The following PCIF1 variants were observed in gnomAD, a reference collection of about 807,000 sequenced individuals.
PCIF1 encodes the protein phosphorylated CTD interacting factor 1.
Under a neutral mutation model 86.9 loss-of-function variants are expected in PCIF1, and 12 were observed. That is an observed-to-expected ratio of 0.14 (90% CI 0.09 to 0.22). The LOEUF (loss-of-function observed/expected upper bound fraction) is 0.22. Among genes scored for constraint, PCIF1 ranks in the 10% least tolerant of loss-of-function variants. The pLI, the probability that PCIF1 is intolerant of heterozygous loss-of-function variation, is 1.00. For missense variants in PCIF1, 701 were observed against 951.1 expected (o/e 0.74, Z 3.46); for synonymous variants, 397 against 372.0 (o/e 1.07, Z -0.77).
intron 4 of PCIF1, among the ~76,000 whole-genome samples, chr20:45,939,848 A>G (rs1185939915): frequency 1.3e-5 from 2 of 152,172 alleles, no homozygotes; most frequent in African/African-American, 4.8e-5. Flanking sequence ...TGGTGGGAAC[A>G]TGGGCTTTTG....
At chr20:45,945,580 C>T (rs1443450803) in intron 11 of PCIF1, 131 bp from the exon 12 acceptor site, 1 of 1,150,250 alleles carries the variant, frequency 8.7e-7, no homozygotes, top group South Asian at 1.6e-5. Flanking sequence ...CATTCCCTTT[C>T]TACTGAACTG....
Position 45,940,876 on chromosome 20 carries a change from C to A in PCIF1, c.455C>A (p.Thr152Lys). The stretch of plus-strand genomic sequence containing the variant: ...TCCCCCAGTATCCCAGGAACCCCAA[C>A]GCTGAAGATGTGGGGTACGTCCCCT... ...PSSPSIPGTP[T>K]LKMWGTSPED... Residue 152 changes from threonine (T) to lysine (K), a missense_variant, in exon 6 of 17, where the codon ACG becomes AAG. By Grantham distance (78) the Thr-to-Lys change is moderately conservative (BLOSUM62 -1). Coordinates refer to ENST00000372409, the MANE Select transcript of PCIF1 (RefSeq NM_022104.4). The A allele has an allele frequency of 1.2e-6, 2 of 1,614,200 alleles. No homozygotes were observed. The highest frequency in any genetic ancestry group is 1.7e-6 in the Non-Finnish European group (2 of 1,180,026).
rs1203933146 is a variant in PCIF1 at position 45,943,360 on chromosome 20, G to A, written c.842G>A (p.Arg281Gln). 1.2e-6 allele frequency: 2 copies of A among 1,614,122 alleles called. No individual in the cohort carries two copies. The highest frequency in any genetic ancestry group is 1.7e-6 in the Non-Finnish European group (2 of 1,180,002). Residue 281 changes from arginine (R) to glutamine (Q), a missense_variant, in exon 9 of 17, where the codon CGG (arginine) becomes CAG (glutamine). Physicochemically the swap from Arg to Gln is conservative, Grantham distance 43 (BLOSUM62 1). Coordinates refer to ENST00000372409, the MANE Select transcript of PCIF1 (RefSeq NM_022104.4). The surrounding 1 kb of genome is among the most constrained non-coding windows in gnomAD (Gnocchi z 5.5). ...IPIRLSRIKF[R>Q]EEAKRLLFKY... Reference sequence around the variant, plus strand: ...CGCAGGTTATCCCGAATCAAGTTCCGGGAGGAAGCCAAGCGCCTGCTCTTT... The same window carrying A: ...CGCAGGTTATCCCGAATCAAGTTCCAGGAGGAAGCCAAGCGCCTGCTCTTT...
rs1320144161 is a variant in PCIF1 at position 45,947,396 on chromosome 20, T to C, written c.1841T>C (p.Phe614Ser). 1 of 1,614,024 alleles carries C rather than the reference T, an allele frequency of 6.2e-7. No homozygotes were observed. The highest frequency in any genetic ancestry group is 2.2e-5 in the East Asian group (1 of 44,870). Reference sequence around the variant, plus strand: ...CGCCACCAGTTGATCCTGCCTGCCTTTGAGCATGAGTACCGCAGTGGCTCC... The same window carrying C: ...CGCCACCAGTTGATCCTGCCTGCCTCTGAGCATGAGTACCGCAGTGGCTCC... ...FKRHQLILPAFEHEYRSGSQH... is the reference protein window; with the variant it reads ...FKRHQLILPASEHEYRSGSQH... Residue 614 changes from phenylalanine to serine, a missense_variant, in exon 16 of 17, where the codon TTT becomes TCT. Phe to Ser is a radical substitution (Grantham distance 155, BLOSUM62 -2). This residue lies in a region of PCIF1 where 174 missense variants were observed against 206.9 expected (regional missense o/e 0.84). Transcript: ENST00000372409. This position sits in a 1 kb window ranked among gnomAD's most constrained non-coding sequence, Gnocchi z 5.4.
chr20:45,940,401 G>A (rs1214530997), intron 4 of PCIF1, 74 bp from the exon 5 acceptor site: 1 of 1,476,702 alleles, frequency 6.8e-7, no homozygotes, highest in Non-Finnish European at 9.1e-7. Flanking sequence ...GGGTGGGAGG[G>A]CGTGAGGATT....
chr20:45,935,713 C>A (rs187690681), intron 1 of PCIF1, among the ~76,000 whole-genome samples: 2 of 152,116 alleles, frequency 1.3e-5, no homozygotes, highest in East Asian at 3.9e-4. Context: ...ATGAGTCATC[C>A]TGTCTCCCAG....
chr20:45,939,145 G>T (rs758001243), intron 3 of PCIF1, 22 bp downstream of exon 3: 1 of 1,613,964 alleles, frequency 6.2e-7, no homozygotes, highest in African/African-American at 1.3e-5. Context: ...GAGCAGTAGT[G>T]GGGTGGTGGG....
At position 45,941,216 on chromosome 20, in the gene PCIF1, C is replaced by G. The variant is rs1228919283; in HGVS notation, c.673+9C>G. On this transcript the variant is annotated intron_variant, in intron 7 of 16. Coordinates refer to ENST00000372409, the MANE Select transcript of PCIF1 (RefSeq NM_022104.4). ...GTGCCAGCAGCGAGAGGGTACCTGC[C>G]TCTGGGCTGCAGCCTCCTTTATTTC... 8 of 1,588,004 alleles carry G rather than the reference C, an allele frequency of 5.0e-6. No individual in the cohort carries two copies. Among genetic ancestry groups the G allele is most frequent in the African/African-American group, 4.0e-5 (3 of 74,244 alleles).
In PCIF1 at chr20:45,946,042, G is replaced by A. The variant is rs145800939; in HGVS notation, c.1355G>A (p.Arg452His). ...NYFSKLWLLY[R>H]YSCIDDSAFE... ...CCCGCTCCACAGTGGCTCCTTTACC[G>A]CTACAGCTGCATTGATGACTCTGCC... Residue 452 changes from arginine to histidine, a missense_variant, in exon 13 of 17, where the codon CGC becomes CAC. Physicochemically the swap from Arg to His is conservative, Grantham distance 29. Transcript: ENST00000372409. 29 of 1,614,138 alleles carry A rather than the reference G, an allele frequency of 1.8e-5. No homozygotes were observed. Among genetic ancestry groups the A allele is most frequent in the African/African-American group, 2.7e-5 (2 of 75,050 alleles).
At chr20:45,934,837 G>C in intron 1 of PCIF1, 33 bp downstream of exon 1, 1 of 398,192 alleles carries the variant, frequency 2.5e-6, no homozygotes, top group Non-Finnish European at 4.4e-6. Flanking sequence ...GTCCCGCAGC[G>C]AGCCGCGCCA....
chr20:45,947,931 GTA>G lies in PCIF1; in HGVS notation c.*181_*182del, dbSNP rs1361476667. 7.2e-6 allele frequency: 11 copies of G among 1,533,498 alleles called. No individual in the cohort carries two copies. The highest frequency in any genetic ancestry group is 9.6e-6 in the Non-Finnish European group (11 of 1,146,274). The allele number at this position is 1,533,498 out of a possible 1,614,324, so 95.0% of individuals were successfully genotyped here. A position where few individuals can be genotyped will look rare whatever the true frequency, so the allele number is the denominator to read the frequency against. ...ACCTCAAACTCCCTCCAAGTCCCAT[GTA>G]TATAGGTCCTGATGCCTTCCCAACC... On this transcript the variant is annotated 3_prime_UTR_variant, in exon 17 of 17. Coordinates refer to ENST00000372409, the MANE Select transcript of PCIF1 (RefSeq NM_022104.4). This position sits in a 1 kb window ranked among gnomAD's most constrained non-coding sequence, Gnocchi z 5.4.
At chr20:45,936,527 C>G (rs1467771333) in intron 1 of PCIF1, among the ~76,000 whole-genome samples, 2 of 151,788 alleles carry the variant, frequency 1.3e-5, no homozygotes, top group Non-Finnish European at 2.9e-5. Flanking sequence ...GCCCTGTCAC[C>G]CAGGCTGGAG....
chr20:45,943,318 C>T lies in PCIF1; in HGVS notation c.822-22C>T, dbSNP rs372823087. On this transcript the variant is annotated intron_variant, in intron 8 of 16. Transcript: ENST00000372409. The surrounding 1 kb of genome is among the most constrained non-coding windows in gnomAD (Gnocchi z 5.5). ...CCAGTCATGTATAGAAGGCCTCTAA[C>T]TCTGCCCACTCTGAAACGCAGGTTA... is the stretch of plus-strand genomic sequence containing the variant. 106 of 1,613,868 alleles carry T rather than the reference C, an allele frequency of 6.6e-5. No homozygotes were observed. The African/African-American group carries it at 1.3e-3, about 19-fold the overall frequency.
Position 45,943,415 on chromosome 20 carries a change from C to T in PCIF1, c.897C>T (p.Ile299=). Residue 299 remains isoleucine, a synonymous_variant, in exon 9 of 17, where the codon ATC becomes ATT. Coordinates refer to ENST00000372409, the MANE Select transcript of PCIF1 (RefSeq NM_022104.4). The surrounding 1 kb of genome is among the most constrained non-coding windows in gnomAD (Gnocchi z 5.5). The part of the protein sequence containing the change: ...FKYAEAARRL[I]ESRSASPDSR... ...ATGCGGAGGCCGCCAGGCGGCTCAT[C>T]GAGTCCAGGTTTGCCTGTCTTCTGC... 6.2e-7 allele frequency: 1 copy of T among 1,613,054 alleles called. No homozygotes were observed. The highest frequency in any genetic ancestry group is 8.5e-7 in the Non-Finnish European group (1 of 1,179,870).
intron 6 of PCIF1, 39 bp downstream of exon 6, chr20:45,940,978 A>G (rs779960421): frequency 5.7e-5 from 92 of 1,613,902 alleles, no homozygotes; most frequent in Non-Finnish European, 7.5e-5. Context: ...ACCCATTGCT[A>G]ATGTCAGCCT....
chr20:45,941,705 G>A (rs1015099231), intron 7 of PCIF1, among the ~76,000 whole-genome samples: 5 of 151,940 alleles, frequency 3.3e-5, no homozygotes, highest in South Asian at 2.1e-4. Context: ...TGATGCGCCC[G>A]CCTCAGCCTC....
At chr20:45,941,985 T>A (rs78988842) in intron 7 of PCIF1, among the ~76,000 whole-genome samples, 1 of 150,244 alleles carries the variant, frequency 6.7e-6, no homozygotes, top group Non-Finnish European at 1.5e-5. Flanking sequence ...TTTAATTTTT[T>A]TTTTTCTTGA....
In PCIF1 at chr20:45,939,351, C is replaced by G. The variant is rs1232264778; in HGVS notation, c.249+12C>G. ...AGCACGATGTGATTGTGAGTGCCAG[C>G]CTAGGGTGGGGGGGTCTCAGAGTGG... is the stretch of plus-strand genomic sequence containing the variant. On this transcript the variant is annotated intron_variant, in intron 4 of 16. Transcript: ENST00000372409. 6.2e-7 allele frequency: 1 copy of G among 1,612,934 alleles called. No homozygotes were observed.
At position 45,945,029 on chromosome 20, in the gene PCIF1, A is replaced by G. The variant is rs766418713; in HGVS notation, c.1167A>G (p.Ser389=). ...HLAILKENNI[S]EEVEAPEVEP... is the part of the protein sequence containing the mutation. ...CCATCCTCAAGGAAAACAACATCTC[A>G]GGTAGGGGAAAGGTGAAGGAGGAGC... Residue 389 remains serine (S), a splice_region_variant and synonymous_variant, in exon 11 of 17, where the codon TCA becomes TCG. Transcript: ENST00000372409. 7 of 1,598,126 alleles carry G rather than the reference A, an allele frequency of 4.4e-6. No homozygotes were observed. In the Admixed American group the frequency reaches 6.8e-5, roughly 15 times the overall value.
Sources: gnomAD v4.1 joint callset for allele counts (sites outside exome capture counted in the v4.1 genomes callset) on GRCh38, gnomAD v4.1.1 for gene constraint, gnomAD v4.1.1 regional missense constraint, Gnocchi (gnomAD v3.1) non-coding constraint, MANE v1.5 for transcripts, NCBI Gene and HGNC (gene_info 2026-07-23, HGNC 2026-07-21) for gene names.